NES: variants seen among roughly 807,000 people sequenced by gnomAD.
NES encodes the protein nestin.
In NES, 27 loss-of-function variants were observed where a neutral mutation model predicts 35.6. That is an observed-to-expected ratio of 0.76 (90% CI 0.56 to 1.04). The LOEUF is 1.04. NES is among the 50% of genes least tolerant of loss of function. The pLI is 0.00. For synonymous variants in NES, 822 were observed against 824.2 expected (o/e 1.00, Z 0.04); for missense variants, 1,867 against 1,983.6 (o/e 0.94, Z 1.12).
rs143482599 is a variant in NES, at chr1:156,669,423, T to C, written c.4765A>G (p.Thr1589Ala). The C allele has an allele frequency of 6.2e-7, 1 of 1,613,188 alleles. No individual in the cohort carries two copies. Residue 1589 changes from threonine (T) to alanine (A), a missense_variant, in exon 4 of 4, where the codon ACC becomes GCC. By Grantham distance (58) the Thr-to-Ala change is moderately conservative. Transcript: ENST00000368223. Reference protein sequence around the residue: ...FQEEEGSALKTSWAGAPVHLG... With the variant: ...FQEEEGSALKASWAGAPVHLG... ...TGAACAGGAGCCCCTGCCCAAGAGG[T>C]CTTCAGAGCACTCCCCTCCTCCTCC...
chr1:156,673,146 G>A lies in NES; in HGVS notation c.1042C>T (p.Leu348Phe). 6.4e-7 allele frequency: 1 copy of A among 1,550,900 alleles called. No homozygotes were observed. Among genetic ancestry groups the A allele is most frequent in the Non-Finnish European group, 8.7e-7 (1 of 1,147,598 alleles). The part of the protein sequence containing the change: ...TPEGRRLGSL[L>F]PVLSPTSLPS... ...AGGGAAGTTGGGCTCAGGACTGGGA[G>A]CAAAGATCCAAGACGCCGGCCCTCT... Residue 348 changes from leucine to phenylalanine, a missense_variant, in exon 4 of 4, where the codon CTC becomes TTC. Leu to Phe is a conservative substitution (Grantham distance 22). Transcript: ENST00000368223.
intron 2 of NES, 74 bp downstream of exon 2, chr1:156,675,142 C>T (rs1647234035): frequency 3.2e-6 from 5 of 1,552,266 alleles, no homozygotes; most frequent in Non-Finnish European, 4.4e-6. Context: ...CCTCTGGTCC[C>T]CTTCAGCCAC....
chr1:156,669,869 C>G lies in NES; in HGVS notation c.4319G>C (p.Gly1440Ala). The change falls in exon 4 of 4, where the codon GGG (glycine) becomes GCG (alanine). Residue 1440 changes from glycine to alanine, a missense_variant. Transcript: ENST00000368223. ...GGCCTGGAGGCTGCCAACAGAAGAC[C>G]CTGGCCCCCACCGCCCAGCCCCTGG... ...REPGAGRWGPGSSVGSLQALS... is the reference protein window; with the variant it reads ...REPGAGRWGPASSVGSLQALS... The G allele has an allele frequency of 6.2e-7, 1 of 1,613,772 alleles. No homozygotes were observed. Among genetic ancestry groups the G allele is most frequent in the South Asian group, 1.1e-5 (1 of 91,054 alleles).
chr1:156,670,388 C>A lies in NES; in HGVS notation c.3800G>T (p.Gly1267Val), dbSNP rs745355787. The A allele has an allele frequency of 3.8e-6, 6 of 1,593,358 alleles. No homozygotes were observed. Among genetic ancestry groups the A allele is most frequent in the Non-Finnish European group, 5.1e-6 (6 of 1,170,218 alleles). ...GGGGCCCTCGGGGATCTCCCCAGAA[C>A]CCAACTCCTCCTGCTCGCTCTCTAC... is the stretch of plus-strand genomic sequence containing the variant. ...GKVESEQEEL[G>V]SGEIPEGPQE... Residue 1267 changes from glycine (G) to valine (V), a missense_variant, in exon 4 of 4, where the codon GGT (glycine) becomes GTT (valine). Transcript: ENST00000368223.
Position 156,669,981 on chromosome 1 carries a change from A to G in NES, c.4207T>C (p.Trp1403Arg). The part of the protein sequence containing the change: ...VPQLLLDPAA[W>R]DRDGESDGFA... ...CCATCGGACTCCCCATCTCGATCCCAGGCTGCAGGATCCAGTAGCAGCTGG... is the reference window on the plus strand; with the variant it reads ...CCATCGGACTCCCCATCTCGATCCCGGGCTGCAGGATCCAGTAGCAGCTGG... The change falls in exon 4 of 4, where the codon TGG (tryptophan) becomes CGG (arginine). Residue 1403 changes from tryptophan to arginine, a missense_variant. Transcript: ENST00000368223. The G allele has an allele frequency of 6.2e-7, 1 of 1,610,256 alleles. No individual in the cohort carries two copies. Among genetic ancestry groups the G allele is most frequent in the Non-Finnish European group, 8.5e-7 (1 of 1,179,314 alleles).
In NES at chr1:156,671,503, CA is replaced by C; in HGVS notation, c.2684del (p.Leu895ArgfsTer9). Reference protein sequence around the residue: ...EEENQESLRSLGAWNLENLRS... With the variant: ...EEENQESLRSXGAWNLENLRS... ...TCAAATTCTCCAGGTTCCATGCTCC[CA>C]GAGATCTCAATGATTCCTGATTCTC... On this transcript the variant is annotated frameshift_variant, in exon 4 of 4. Coordinates refer to ENST00000368223, the MANE Select transcript of NES (RefSeq NM_006617.2). LOFTEE classifies it low-confidence loss of function (END_TRUNC). The C allele has an allele frequency of 6.2e-7, 1 of 1,614,024 alleles. No individual in the cohort carries two copies.
rs752847528 is a variant in NES, at chr1:156,669,522, C to G, written c.4666G>C (p.Gly1556Arg). The G allele has an allele frequency of 8.1e-6, 13 of 1,611,874 alleles. No homozygotes were observed. Among genetic ancestry groups the G allele is most frequent in the Non-Finnish European group, 3.4e-6 (4 of 1,178,456 alleles). ...SQHVNGGVMN[G>R]LEQSEEVGQG... ...CCCACTTCCTCAGACTGCTCCAGCC[C>G]GTTCATCACTCCCCCATTCACATGC... Residue 1556 changes from glycine (G) to arginine (R), a missense_variant, in exon 4 of 4, where the codon GGG becomes CGG. Coordinates refer to ENST00000368223, the MANE Select transcript of NES (RefSeq NM_006617.2).
Position 156,672,708 on chromosome 1 carries a change from G to T in NES, c.1480C>A (p.Arg494=). The change falls in exon 4 of 4, where the codon CGA becomes AGA. Residue 494 remains arginine, a synonymous_variant. Transcript: ENST00000368223. ...SGGSRVFSIC[R]GEGEGQIWGL... is the part of the protein sequence containing the mutation. Reference sequence around the variant, plus strand: ...CAGATTTGCCCTTCACCTTCCCCTCGGCATATGCTGAACACTCTAGACCCA... The same window carrying T: ...CAGATTTGCCCTTCACCTTCCCCTCTGCATATGCTGAACACTCTAGACCCA... 6.2e-7 allele frequency: 1 copy of T among 1,613,500 alleles called. No homozygotes were observed.
At position 156,677,192 on chromosome 1, in the gene NES, G is replaced by A. The variant is rs1455696404; in HGVS notation, c.73C>T (p.Arg25Trp). The change falls in exon 1 of 4, where the codon CGG becomes TGG. Residue 25 changes from arginine to tryptophan, a missense_variant. Transcript: ENST00000368223. The surrounding 1 kb of genome is among the most constrained non-coding windows in gnomAD (Gnocchi z 4.5). ...TTCTGCTCCTCCAGCGCCTTGACCCGGGCCAGGTAGGCCTCCAGGCGCCGA... is the reference window on the plus strand; with the variant it reads ...TTCTGCTCCTCCAGCGCCTTGACCCAGGCCAGGTAGGCCTCCAGGCGCCGA... ...LNRRLEAYLARVKALEEQNEL... is the reference protein window; with the variant it reads ...LNRRLEAYLAWVKALEEQNEL... The A allele has an allele frequency of 4.3e-6, 7 of 1,612,548 alleles. No homozygotes were observed. Among genetic ancestry groups the A allele is most frequent in the African/African-American group, 1.3e-5 (1 of 74,896 alleles).
chr1:156,671,742 C>T lies in NES; in HGVS notation c.2446G>A (p.Glu816Lys), dbSNP rs772957862. 1.9e-6 allele frequency: 3 copies of T among 1,614,090 alleles called. No individual in the cohort carries two copies. The South Asian group carries it at 3.3e-5, about 18-fold the overall frequency. ...TCTGTTTCTAAAGATTTTACTGCCT[C>T]TACGCTCTCTTCTTTGAGTGACTTT... ...FLKSLKEESV[E>K]AVKSLETEIL... The change falls in exon 4 of 4, where the codon GAG becomes AAG. Residue 816 changes from glutamate (E) to lysine (K), a missense_variant. By Grantham distance (56) the Glu-to-Lys change is moderately conservative. Transcript: ENST00000368223.
Position 156,673,517 on chromosome 1 carries a change from C to T in NES, c.919G>A (p.Glu307Lys), listed in dbSNP as rs1341131975. The T allele has an allele frequency of 6.2e-7, 1 of 1,612,184 alleles. No homozygotes were observed. Among genetic ancestry groups the T allele is most frequent in the African/African-American group, 1.3e-5 (1 of 75,020 alleles). ...LEVATYRTLL[E>K]AENSRLQTPG... Reference sequence around the variant, plus strand: ...GTTTGCAGCCGGGAGTTCTCAGCCTCCAGGAGGGTCCTGGAGAGGACAGAG... The same window carrying T: ...GTTTGCAGCCGGGAGTTCTCAGCCTTCAGGAGGGTCCTGGAGAGGACAGAG... The change falls in exon 3 of 4, where the codon GAG (glutamate) becomes AAG (lysine). Residue 307 changes from glutamate (E) to lysine (K), a missense_variant. Physicochemically the swap from Glu to Lys is moderately conservative, Grantham distance 56 (BLOSUM62 1). Transcript: ENST00000368223.
rs1237291896 is a variant in NES, at chr1:156,670,029, C to G, written c.4159G>C (p.Ala1387Pro). The change falls in exon 4 of 4, where the codon GCA (alanine) becomes CCA (proline). Residue 1387 changes from alanine (A) to proline (P), a missense_variant. Physicochemically the swap from Ala to Pro is conservative, Grantham distance 27. Coordinates refer to ENST00000368223, the MANE Select transcript of NES (RefSeq NM_006617.2). ...PFLPGVPGEVAEPLGQVPQLL... is the reference protein window; with the variant it reads ...PFLPGVPGEVPEPLGQVPQLL... ...TGGGGCACCTGGCCCAGAGGTTCTG[C>G]CACCTCCCCAGGGACCCCAGGAAGA... 1.9e-6 allele frequency: 3 copies of G among 1,614,036 alleles called. No individual in the cohort carries two copies. The highest frequency in any genetic ancestry group is 1.7e-6 in the Non-Finnish European group (2 of 1,180,008).
In NES at chr1:156,669,822, C is replaced by T. The variant is rs1452501531; in HGVS notation, c.4366G>A (p.Glu1456Lys). ...LQALSSSQRGEFLESDSVSVS... is the reference protein window; with the variant it reads ...LQALSSSQRGKFLESDSVSVS... ...CTCACAGAATCAGACTCCAGGAATT[C>T]CCCTCTCTGGGAGCTACTCAGGGCC... The change falls in exon 4 of 4, where the codon GAA becomes AAA. Residue 1456 changes from glutamate (E) to lysine (K), a missense_variant. Coordinates refer to ENST00000368223, the MANE Select transcript of NES (RefSeq NM_006617.2). The T allele has an allele frequency of 1.9e-6, 3 of 1,613,912 alleles. No homozygotes were observed. Among genetic ancestry groups the T allele is most frequent in the Non-Finnish European group, 1.7e-6 (2 of 1,179,978 alleles).
rs191424475 is a variant in NES at position 156,675,437 on chromosome 1, C to G, written c.784-97G>C. The G allele has an allele frequency of 6.4e-6, 9 of 1,400,956 alleles. No individual in the cohort carries two copies. The South Asian group carries it at 8.4e-5, about 13-fold the overall frequency. 86.8% of individuals were successfully genotyped at this position (1,400,956 alleles called of 1,614,324 possible). ...GCTGCCGCTGCCCGGGAAGCACCTC[C>G]TGCTCCCTGGCTGACTTATCTGTGT... is the stretch of plus-strand genomic sequence containing the variant. On this transcript the variant is annotated intron_variant, in intron 1 of 3. Transcript: ENST00000368223.
Position 156,677,071 on chromosome 1 carries a change from G to A in NES, c.194C>T (p.Ala65Val). The change falls in exon 1 of 4, where the codon GCC (alanine) becomes GTC (valine). Residue 65 changes from alanine (A) to valine (V), a missense_variant. Ala to Val is a moderately conservative substitution (Grantham distance 64). Coordinates refer to ENST00000368223, the MANE Select transcript of NES (RefSeq NM_006617.2). The surrounding 1 kb of genome is among the most constrained non-coding windows in gnomAD (Gnocchi z 4.5). ...HADDELAALR[A>V]LVDQRWREKH... ...CTCCCGCCAGCGTTGGTCAACGAGG[G>A]CCCGCAGGGCCGCCAGCTCGTCGTC... 1.3e-6 allele frequency: 2 copies of A among 1,599,154 alleles called. No homozygotes were observed. Among genetic ancestry groups the A allele is most frequent in the Non-Finnish European group, 1.7e-6 (2 of 1,174,626 alleles).
rs769841641 is a variant in NES, at chr1:156,669,880, C to T, written c.4308G>A (p.Arg1436=). ...QEEGREPGAG[R]WGPGSSVGSL... is the part of the protein sequence containing the mutation. ...TGCCAACAGAAGACCCTGGCCCCCACCGCCCAGCCCCTGGCTCCCTCCCCT... is the reference window on the plus strand; with the variant it reads ...TGCCAACAGAAGACCCTGGCCCCCATCGCCCAGCCCCTGGCTCCCTCCCCT... The change falls in exon 4 of 4, where the codon CGG becomes CGA. Residue 1436 remains arginine (R), a synonymous_variant. Coordinates refer to ENST00000368223, the MANE Select transcript of NES (RefSeq NM_006617.2). The T allele has an allele frequency of 9.3e-6, 15 of 1,613,686 alleles. No individual in the cohort carries two copies. In the African/African-American group the frequency reaches 2.0e-4, roughly 22 times the overall value.
In NES at chr1:156,670,059, G is replaced by A. The variant is rs769121033; in HGVS notation, c.4129C>T (p.Pro1377Ser). 20 of 1,614,016 alleles carry A rather than the reference G, an allele frequency of 1.2e-5. No individual in the cohort carries two copies. The highest frequency in any genetic ancestry group is 8.9e-5 in the East Asian group (4 of 44,868). Residue 1377 changes from proline to serine, a missense_variant, in exon 4 of 4, where the codon CCT (proline) becomes TCT (serine). Pro to Ser is a moderately conservative substitution (Grantham distance 74). Transcript: ENST00000368223. ...TCCCCAGGGACCCCAGGAAGAAAAG[G>A]TGCCTCAGTCCCCAGGTCCTCAAAT... is the stretch of plus-strand genomic sequence containing the variant. Reference protein sequence around the residue: ...EEFEDLGTEAPFLPGVPGEVA... With the variant: ...EEFEDLGTEASFLPGVPGEVA...
chr1:156,671,784 C>T lies in NES; in HGVS notation c.2404G>A (p.Glu802Lys), dbSNP rs374206192. ...DQEIARPLEN[E>K]NQEFLKSLKE... ...AGTGACTTTAAGAACTCTTGATTCT[C>T]ATTTTCAAGAGGTCTAGCTATCTCC... The change falls in exon 4 of 4, where the codon GAG (glutamate) becomes AAG (lysine). Residue 802 changes from glutamate (E) to lysine (K), a missense_variant. Glu to Lys is a moderately conservative substitution (Grantham distance 56). Transcript: ENST00000368223. 115 of 1,613,954 alleles carry T rather than the reference C, an allele frequency of 7.1e-5. No homozygotes were observed. The Middle Eastern group carries it at 1.6e-3, about 23-fold the overall frequency.
chr1:156,670,131 C>T lies in NES; in HGVS notation c.4057G>A (p.Glu1353Lys). The T allele has an allele frequency of 6.2e-7, 1 of 1,613,986 alleles. No individual in the cohort carries two copies. The highest frequency in any genetic ancestry group is 8.5e-7 in the Non-Finnish European group (1 of 1,179,992). Residue 1353 changes from glutamate (E) to lysine (K), a missense_variant, in exon 4 of 4, where the codon GAG becomes AAG. Coordinates refer to ENST00000368223, the MANE Select transcript of NES (RefSeq NM_006617.2). The part of the protein sequence containing the change: ...EAPPSEKEEG[E>K]EGEEECGRDS... The stretch of plus-strand genomic sequence containing the variant: ...CGGCCACACTCCTCTTCTCCCTCCT[C>T]CCCCTCCTCCTTTTCTGAGGGTGGG...
Sources: allele counts gnomAD v4.1 joint callset, GRCh38; gene constraint gnomAD v4.1.1; non-coding constraint Gnocchi (gnomAD v3.1); transcripts MANE v1.5; gene names NCBI Gene and HGNC (gene_info 2026-07-23, HGNC 2026-07-21).